SPSB4: variants seen among roughly 807,000 people sequenced by gnomAD.
SPSB4 encodes the protein splA/ryanodine receptor domain and SOCS box containing 4.
A neutral mutation model predicts 20.9 loss-of-function variants in SPSB4; 21 were observed. The ratio of observed to expected loss-of-function variants is 1.01; its 90% CI spans 0.71 to 1.45. The LOEUF is 1.45. Ranked by LOEUF, SPSB4 falls within the 40% of genes most tolerant of loss-of-function variation. The pLI is 0.00. For missense variants in SPSB4, 399 were observed against 399.2 expected (o/e 1.00, Z 0.00); for synonymous variants, 207 against 183.8 (o/e 1.13, Z -1.02).
intron 2 of SPSB4, among the ~76,000 whole-genome samples, chr3:141,095,222 C>T (rs567454854): frequency 5.3e-5 from 8 of 152,230 alleles, no homozygotes; most frequent in African/African-American, 1.4e-4. Flanking sequence ...CCGCAGTCCC[C>T]GGAGAGTTGC....
chr3:141,091,353 T>C (rs62283587), intron 2 of SPSB4, among the ~76,000 whole-genome samples: 16,146 of 152,274 alleles, frequency 0.11, 946 homozygotes, highest in Middle Eastern at 0.14. Context: ...TGGAGATTAG[T>C]GAGACAGTCC....
chr3:141,100,819 C>G (rs59153839), intron 2 of SPSB4, among the ~76,000 whole-genome samples: 1,618 of 152,126 alleles, frequency 0.011, 35 homozygotes, highest in African/African-American at 0.037. Context: ...GGTGTGGTAG[C>G]CCTCGGTATG....
At chr3:141,086,427 C>T (rs1463284166) in intron 2 of SPSB4, among the ~76,000 whole-genome samples, 1 of 152,188 alleles carries the variant, frequency 6.6e-6, no homozygotes, top group African/African-American at 2.4e-5. Context: ...GCTTCAGTTT[C>T]CTTGCCTGTA....
At chr3:141,055,953 G>A (rs553800464) in intron 1 of SPSB4, among the ~76,000 whole-genome samples, 6 of 152,218 alleles carry the variant, frequency 3.9e-5, no homozygotes, top group African/African-American at 7.2e-5. Context: ...CTGGAGACCC[G>A]GCTTGAGAGT....
In SPSB4 at chr3:141,142,230, G is replaced by T. The variant is rs1031612434; in HGVS notation, c.695-4912G>T. Among the ~76,000 whole-genome samples the T allele has an allele frequency of 8.5e-5, 13 of 152,136 alleles. 1 individual carries two copies. Among genetic ancestry groups the T allele is most frequent in the Admixed American group, 8.5e-4 (13 of 15,280 alleles). On this transcript the variant is annotated intron_variant, in intron 2 of 2. Coordinates refer to ENST00000310546, the MANE Select transcript of SPSB4 (RefSeq NM_080862.3). ...CTTTGACTGTATCCAAGAGGTTTTT[G>T]TAAGTTGTGTCACTATTATCGTTCC...
chr3:141,104,279 T>C (rs775635156), intron 2 of SPSB4, among the ~76,000 whole-genome samples: 1 of 151,098 alleles, frequency 6.6e-6, no homozygotes, highest in African/African-American at 2.4e-5. Context: ...GCAGTGGGAG[T>C]GGCAGGAGCA....
chr3:141,068,086 G>C (rs1937925375), intron 2 of SPSB4, among the ~76,000 whole-genome samples: 1 of 152,158 alleles, frequency 6.6e-6, no homozygotes, highest in South Asian at 2.1e-4. Context: ...AGAAGTCAAG[G>C]ACAAGATTTT....
chr3:141,063,459 A>G (rs977026350), intron 1 of SPSB4, among the ~76,000 whole-genome samples: 3 of 151,906 alleles, frequency 2.0e-5, no homozygotes, highest in Admixed American at 1.3e-4. Context: ...GATCTGTTTT[A>G]TTTTGTATTA....
At chr3:141,057,158 A>G (rs769213048) in intron 1 of SPSB4, among the ~76,000 whole-genome samples, 1 of 152,228 alleles carries the variant, frequency 6.6e-6, no homozygotes, top group Non-Finnish European at 1.5e-5. Flanking sequence ...TTGCCCAGCC[A>G]GTTGTAGCCT....
At chr3:141,095,002 A>G (rs561547066) in intron 2 of SPSB4, among the ~76,000 whole-genome samples, 121 of 151,890 alleles carry the variant, frequency 8.0e-4, no homozygotes, top group Admixed American at 4.1e-3. Flanking sequence ...TACCTCAGAG[A>G]CCACTAGGGA....
intron 2 of SPSB4, among the ~76,000 whole-genome samples, chr3:141,081,961 G>A (rs1938241262): frequency 6.6e-6 from 1 of 152,078 alleles, no homozygotes; most frequent in African/African-American, 2.4e-5. Flanking sequence ...TTTCTGATGG[G>A]GCTGTAGACC....
In SPSB4 at chr3:141,139,823, C is replaced by T. The variant is rs879850771; in HGVS notation, c.695-7319C>T. Among the ~76,000 whole-genome samples the T allele has an allele frequency of 8.5e-5, 13 of 152,298 alleles. No homozygotes were observed. In the East Asian group the frequency reaches 9.7e-4, roughly 11 times the overall value. Reference sequence around the variant, plus strand: ...CTGACAATTATGTGTCTTGGAGTTGCTCTTCTTGAGGAGTATCTTTGTGGC... The same window carrying T: ...CTGACAATTATGTGTCTTGGAGTTGTTCTTCTTGAGGAGTATCTTTGTGGC... On this transcript the variant is annotated intron_variant, in intron 2 of 2. Transcript: ENST00000310546.
At chr3:141,058,401 T>C (rs1937698461) in intron 1 of SPSB4, among the ~76,000 whole-genome samples, 1 of 152,192 alleles carries the variant, frequency 6.6e-6, no homozygotes. Context: ...ATAATGTCAT[T>C]AAGCATCCCC....
chr3:141,122,140 C>T lies in SPSB4; in HGVS notation c.695-25002C>T, dbSNP rs976732339. Among the ~76,000 whole-genome samples the T allele has an allele frequency of 3.9e-5, 6 of 152,210 alleles. No homozygotes were observed. The East Asian group carries it at 5.8e-4, about 15-fold the overall frequency. ...TTGTTGATATTGATGCTATTCCTTTCGGTTTGTTAGTTTTCCTTCTAACAG... is the reference window on the plus strand; with the variant it reads ...TTGTTGATATTGATGCTATTCCTTTTGGTTTGTTAGTTTTCCTTCTAACAG... On this transcript the variant is annotated intron_variant, in intron 2 of 2. Transcript: ENST00000310546.
intron 2 of SPSB4, among the ~76,000 whole-genome samples, chr3:141,092,329 T>C (rs1027453935): frequency 3.9e-5 from 6 of 152,340 alleles, no homozygotes; most frequent in African/African-American, 1.4e-4. Context: ...AGCATTAGCA[T>C]TAGCATATTA....
intron 2 of SPSB4, among the ~76,000 whole-genome samples, chr3:141,124,585 G>A (rs1220942062): frequency 6.6e-6 from 1 of 152,144 alleles, no homozygotes; most frequent in Non-Finnish European, 1.5e-5. Context: ...TCATAATGGA[G>A]TCAGGAAGAT....
intron 2 of SPSB4, among the ~76,000 whole-genome samples, chr3:141,122,302 AGG>A (rs1938980572): frequency 6.6e-6 from 1 of 152,106 alleles, no homozygotes; most frequent in Admixed American, 6.5e-5. Context: ...TTCGTCCCAG[AGG>A]GGTACCTGCC....
At chr3:141,100,000 G>T (rs1467110601) in intron 2 of SPSB4, among the ~76,000 whole-genome samples, 3 of 152,156 alleles carry the variant, frequency 2.0e-5, no homozygotes, top group Non-Finnish European at 4.4e-5. Flanking sequence ...CAGCCATACA[G>T]CAGCCATGTG....
At chr3:141,121,211 C>T (rs967272942) in intron 2 of SPSB4, among the ~76,000 whole-genome samples, 2 of 152,138 alleles carry the variant, frequency 1.3e-5, no homozygotes, top group Non-Finnish European at 2.9e-5. Context: ...GTTGAAAATT[C>T]TTTTCTTTAA....
Sources: allele counts gnomAD v4.1 joint callset (sites outside exome capture counted in the v4.1 genomes callset), GRCh38; gene constraint gnomAD v4.1.1; transcripts MANE v1.5; gene names NCBI Gene and HGNC (gene_info 2026-07-23, HGNC 2026-07-21).